ATG7: variants seen among roughly 807,000 people sequenced by gnomAD.
The protein encoded by ATG7 is autophagy related 7.
Under a neutral mutation model 82.4 loss-of-function variants are expected in ATG7, and 70 were observed. The observed-to-expected ratio is 0.85, with a 90% confidence interval of 0.70 to 1.04. The LOEUF is 1.04. ATG7 is among the 50% of genes least tolerant of loss of function. The probability of loss-of-function intolerance (pLI) is 0.00; values close to 1 mark genes in which losing one functional copy is unlikely to be tolerated. For synonymous variants in ATG7, 287 were observed against 313.0 expected (o/e 0.92, Z 0.88); for missense variants, 792 against 864.3 (o/e 0.92, Z 1.05).
At chr3:11,325,462 C>T (rs535587915) in intron 9 of ATG7, among the ~76,000 whole-genome samples, 7 of 152,168 alleles carry the variant, frequency 4.6e-5, no homozygotes, top group African/African-American at 9.6e-5. Flanking sequence ...ACCTGAGGTC[C>T]GGAGTTCGTG....
rs959786684 is a variant in ATG7 at position 11,519,555 on chromosome 3, T to G, written c.2080-35256T>G. Reference sequence around the variant, plus strand: ...GTGAGAGGAGTTTTTTTTTTTTTTTTTTTTTTTTTTTTTTTTTTTTTTGAG... The same window carrying G: ...GTGAGAGGAGTTTTTTTTTTTTTTTGTTTTTTTTTTTTTTTTTTTTTTGAG... On this transcript the variant is annotated intron_variant, in intron 20 of 20. Transcript: ENST00000693202. 1.3e-4 allele frequency among the ~76,000 whole-genome samples: 13 copies of G among 97,898 alleles called. No individual in the cohort carries two copies. In the South Asian group the frequency reaches 1.4e-3, roughly 11 times the overall value. The allele number at this position is 97,898 out of a possible 152,430, so 64.2% of individuals were successfully genotyped here. A position where few individuals can be genotyped will look rare whatever the true frequency, so the allele number is the denominator to read the frequency against.
intron 20 of ATG7, among the ~76,000 whole-genome samples, chr3:11,534,961 C>T (rs2092762345): frequency 6.6e-6 from 1 of 152,258 alleles, no homozygotes; most frequent in Non-Finnish European, 1.5e-5. Flanking sequence ...GCCTCCACTC[C>T]AGCTGCAATT....
chr3:11,396,782 CAAA>C (rs776333119), intron 19 of ATG7, among the ~76,000 whole-genome samples: 1 of 94,254 alleles, frequency 1.1e-5, no homozygotes, highest in African/African-American at 3.5e-5. Context: ...ACTCTGTCTC[CAAA>C]AAAAAAAAAA....
intron 6 of ATG7, chr3:11,308,483 C>G (rs62248257): frequency 0.23 from 34,910 of 154,370 alleles, 4,159 homozygotes; most frequent in South Asian, 0.38. Flanking sequence ...TTACTCTCCC[C>G]GTTCCCCAGC....
chr3:11,484,035 A>C (rs758412347), intron 20 of ATG7, among the ~76,000 whole-genome samples: 3 of 152,152 alleles, frequency 2.0e-5, no homozygotes, highest in Non-Finnish European at 4.4e-5. Context: ...ATGGGCATGT[A>C]TTATATGGGT....
At position 11,555,244 on chromosome 3, in the gene ATG7, C is replaced by A. The variant is rs2072290409; in HGVS notation, c.*401C>A. The A allele has an allele frequency of 5.2e-6, 1 of 192,822 alleles. No individual in the cohort carries two copies. The highest frequency in any genetic ancestry group is 2.3e-5 in the African/African-American group (1 of 42,788). The allele number at this position is 192,822 out of a possible 1,614,324, so 11.9% of individuals were successfully genotyped here. On this transcript the variant is annotated 3_prime_UTR_variant, in exon 21 of 21. Transcript: ENST00000693202. The stretch of plus-strand genomic sequence containing the variant: ...CCACTGCGGGAGGTGGCACCCTCAT[C>A]CCCGGAATGTGCTGCCCACCGCACC...
chr3:11,482,764 T>C (rs1340203592), intron 20 of ATG7, among the ~76,000 whole-genome samples: 2 of 152,042 alleles, frequency 1.3e-5, no homozygotes, highest in Non-Finnish European at 2.9e-5. Flanking sequence ...ATCCAGTGCT[T>C]TTCAACCCTT....
chr3:11,359,008 G>A (rs986923658), intron 15 of ATG7, among the ~76,000 whole-genome samples: 3 of 152,068 alleles, frequency 2.0e-5, no homozygotes, highest in Non-Finnish European at 4.4e-5. Context: ...GCCATTCACA[G>A]TTATGTTTTC....
At chr3:11,515,297 C>CGTGTGTGTGTATGT (rs11276590) in intron 20 of ATG7, among the ~76,000 whole-genome samples, 6 of 151,216 alleles carry the variant, frequency 4.0e-5, no homozygotes, top group Non-Finnish European at 5.9e-5. Flanking sequence ...GTCTCTTGCG[C>CGTGTGTGTGTATGT]GTGTGTGTGT....
At chr3:11,430,204 T>C (rs1343273394) in intron 20 of ATG7, among the ~76,000 whole-genome samples, 1 of 152,196 alleles carries the variant, frequency 6.6e-6, no homozygotes, top group Non-Finnish European at 1.5e-5. Flanking sequence ...AGATAAGGTT[T>C]GAAATATAGT....
the ATG7 span, among the ~76,000 whole-genome samples, chr3:11,573,241 AATAG>A: frequency 9.0e-4 from 104 of 115,782 alleles, 9 homozygotes; most frequent in East Asian, 5.4e-3. Flanking sequence ...AAAGAAAAGA[AATAG>A]AGAAAGAAAG....
intron 20 of ATG7, among the ~76,000 whole-genome samples, chr3:11,467,877 C>G (rs2086999146): frequency 6.6e-6 from 1 of 152,154 alleles, no homozygotes; most frequent in Admixed American, 6.5e-5. Context: ...AATATTTTTA[C>G]CTTTGAATTT....
intron 19 of ATG7, among the ~76,000 whole-genome samples, chr3:11,425,677 G>A (rs2082304643): frequency 6.6e-6 from 1 of 151,464 alleles, no homozygotes; most frequent in African/African-American, 2.4e-5. Flanking sequence ...TCTATGTAAG[G>A]ATAACATATA....
At chr3:11,415,388 T>A (rs995085827) in intron 19 of ATG7, among the ~76,000 whole-genome samples, 1 of 152,184 alleles carries the variant, frequency 6.6e-6, no homozygotes, top group Non-Finnish European at 1.5e-5. Flanking sequence ...CTGTCTTCAG[T>A]AATAAATTAC....
intron 19 of ATG7, among the ~76,000 whole-genome samples, chr3:11,403,141 G>A (rs1451940061): frequency 6.6e-6 from 1 of 152,114 alleles, no homozygotes; most frequent in Non-Finnish European, 1.5e-5. Flanking sequence ...GAGCTTTATT[G>A]AGATACAATT....
intron 5 of ATG7, among the ~76,000 whole-genome samples, chr3:11,303,444 C>G (rs71316466): frequency 2.0e-5 from 3 of 149,646 alleles, no homozygotes; most frequent in Non-Finnish European, 4.5e-5. Flanking sequence ...CCGAGGCAGG[C>G]GGATCACGAG....
intron 19 of ATG7, among the ~76,000 whole-genome samples, chr3:11,422,689 G>C (rs2082033011): frequency 7.1e-6 from 1 of 140,232 alleles, no homozygotes; most frequent in South Asian, 2.4e-4. Context: ...CTTTTTTTTA[G>C]CATGTCTCAG....
chr3:11,378,104 C>T (rs1351560822), intron 18 of ATG7, among the ~76,000 whole-genome samples: 2 of 138,298 alleles, frequency 1.4e-5, no homozygotes, highest in African/African-American at 5.6e-5. Context: ...ACCTCTGCCT[C>T]CCAGGATCAA....
At chr3:11,417,305 ATTTC>A (rs1419293681) in intron 19 of ATG7, among the ~76,000 whole-genome samples, 2 of 152,138 alleles carry the variant, frequency 1.3e-5, no homozygotes, top group Non-Finnish European at 2.9e-5. Flanking sequence ...AGATTCGTCT[ATTTC>A]TTCTTGCCGT....
Sources: gnomAD v4.1 joint callset for allele counts (sites outside exome capture counted in the v4.1 genomes callset) on GRCh38, gnomAD v4.1.1 for gene constraint, MANE v1.5 for transcripts, NCBI Gene and HGNC (gene_info 2026-07-23, HGNC 2026-07-21) for gene names.